The following MRC1 variants were observed in gnomAD, a reference collection of about 807,000 sequenced individuals.
MRC1 encodes the protein mannose receptor C-type 1.
MRC1 carries 62 observed loss-of-function variants against 102.9 expected under a neutral mutation model. The ratio of observed to expected loss-of-function variants is 0.60; its 90% CI spans 0.49 to 0.74. The LOEUF is 0.74. MRC1 is among the 30% of genes least tolerant of loss of function. The pLI is 0.00. For missense variants in MRC1, 1,237 were observed against 862.8 expected, an observed-to-expected ratio of 1.43 and a Z score of -5.43; for synonymous variants, 457 against 298.4, an observed-to-expected ratio of 1.53 and a Z score of -5.48.
intron 14 of MRC1, among the ~76,000 whole-genome samples, chr10:17,871,437 C>T (rs1296468126): frequency 6.6e-6 from 1 of 152,168 alleles, no homozygotes; most frequent in African/African-American, 2.4e-5. Context: ...TGATTCCACA[C>T]TGAAAACTCC....
chr10:17,885,822 CCATCATGATCATGATCATGATCATGAT>C (rs1423072204), intron 22 of MRC1, among the ~76,000 whole-genome samples: 1 of 144,520 alleles, frequency 6.9e-6, no homozygotes, highest in African/African-American at 2.5e-5. Context: ...TGATCATCAT[CCATCATGATCATGATCATGATCATGAT>C]CATGATCATG....
chr10:17,865,950 T>A (rs1833259836), intron 11 of MRC1, among the ~76,000 whole-genome samples: 1 of 152,228 alleles, frequency 6.6e-6, no homozygotes. Flanking sequence ...CTTAGTTAAT[T>A]GCTATTTGGA....
chr10:17,875,006 C>T, intron 16 of MRC1, 84 bp from the exon 17 acceptor site: 1 of 778,226 alleles, frequency 1.3e-6, no homozygotes. Flanking sequence ...GCAGCTCTAT[C>T]CCTTTCACCT....
At chr10:17,855,559 G>A (rs1370316832) in intron 8 of MRC1, among the ~76,000 whole-genome samples, 104 of 108,568 alleles carry the variant, frequency 9.6e-4, no homozygotes, top group African/African-American at 3.3e-3. Context: ...GCAACAGAGC[G>A]AGACTCCGTC....
At chr10:17,873,893 G>GA (rs1232493511) in intron 16 of MRC1, 68 bp downstream of exon 16, 7 of 855,454 alleles carry the variant, frequency 8.2e-6, no homozygotes, top group South Asian at 2.7e-5. Context: ...CTTTCTCAAT[G>GA]AAAAAATTAC....
At chr10:17,882,445 A>C (rs1029155021) in intron 21 of MRC1, among the ~76,000 whole-genome samples, 1 of 151,906 alleles carries the variant, frequency 6.6e-6, no homozygotes, top group Non-Finnish European at 1.5e-5. Flanking sequence ...TGTTTGTTGT[A>C]TATATAACTT....
chr10:17,854,295 C>A (rs1404945282), intron 8 of MRC1, among the ~76,000 whole-genome samples: 3 of 152,158 alleles, frequency 2.0e-5, no homozygotes, highest in Admixed American at 6.5e-5. Flanking sequence ...ACACAGTTCC[C>A]AGCCCATATT....
At chr10:17,882,218 CAAGT>C (rs2130693178) in intron 21 of MRC1, among the ~76,000 whole-genome samples, 1 of 152,152 alleles carries the variant, frequency 6.6e-6, no homozygotes, top group East Asian at 1.9e-4. Context: ...GAAATCACTG[CAAGT>C]GAGTCAGGGT....
At chr10:17,868,276 C>A (rs2130672501) in intron 12 of MRC1, among the ~76,000 whole-genome samples, 1 of 152,276 alleles carries the variant, frequency 6.6e-6, no homozygotes, top group South Asian at 2.1e-4. Flanking sequence ...AATTGTCTCC[C>A]AGCTCCACAT....
At chr10:17,842,862 C>T (rs915221447) in intron 5 of MRC1, among the ~76,000 whole-genome samples, 1 of 152,264 alleles carries the variant, frequency 6.6e-6, no homozygotes, top group Non-Finnish European at 1.5e-5. Flanking sequence ...CAAATGCTTT[C>T]TAAAATTAAA....
chr10:17,865,060 A>C lies in MRC1; in HGVS notation c.1783+1378A>C, dbSNP rs692970. Among the ~76,000 whole-genome samples the C allele has an allele frequency of 8.5e-5, 13 of 152,192 alleles. No homozygotes were observed. The South Asian group carries it at 2.7e-3, about 32-fold the overall frequency. On this transcript the variant is annotated intron_variant, in intron 11 of 29. Transcript: ENST00000569591. The stretch of plus-strand genomic sequence containing the variant: ...AGATTCTTTGACTTTTTATACAGTG[A>C]TATCACTAGCACACAACATTGTTTA...
chr10:17,839,381 G>A (rs1409085258), intron 4 of MRC1, among the ~76,000 whole-genome samples: 3 of 152,094 alleles, frequency 2.0e-5, no homozygotes, highest in African/African-American at 7.2e-5. Flanking sequence ...GAGTAAATTG[G>A]TTTTGGGAAT....
chr10:17,907,381 G>A (rs1303744346), intron 27 of MRC1, among the ~76,000 whole-genome samples, 153 bp from the exon 28 acceptor site: 2 of 152,206 alleles, frequency 1.3e-5, no homozygotes, highest in Admixed American at 6.5e-5. Context: ...GTAATAATTA[G>A]TCATTATAGT....
intron 7 of MRC1, among the ~76,000 whole-genome samples, chr10:17,850,683 T>TC (rs1838901422): frequency 6.6e-6 from 1 of 151,796 alleles, no homozygotes; most frequent in Admixed American, 6.6e-5. Flanking sequence ...GCTCTTCATT[T>TC]CCCCCCAGCA....
At chr10:17,885,463 T>A in intron 22 of MRC1, 28 bp downstream of exon 22, 5 of 780,110 alleles carry the variant, frequency 6.4e-6, no homozygotes, top group Non-Finnish European at 1.2e-5. Flanking sequence ...GTCACCTCTC[T>A]ACACACCATC....
chr10:17,840,931 C>A (rs1326735447), intron 5 of MRC1, 125 bp downstream of exon 5: 7 of 749,606 alleles, frequency 9.3e-6, no homozygotes, highest in East Asian at 2.5e-5. Flanking sequence ...AAATACAGTT[C>A]ATTTCACCTT....
intron 4 of MRC1, 81 bp from the exon 5 acceptor site, chr10:17,840,612 C>A: frequency 1.3e-6 from 1 of 769,792 alleles, no homozygotes; most frequent in Non-Finnish European, 2.4e-6. Context: ...TTGATTCAAG[C>A]ACTTAGTTCT....
intron 4 of MRC1, among the ~76,000 whole-genome samples, chr10:17,835,262 ATAGC>A (rs1366235491): frequency 6.6e-6 from 1 of 152,196 alleles, no homozygotes; most frequent in Non-Finnish European, 1.5e-5. Context: ...TATTAGTATA[ATAGC>A]TACTTACACA....
intron 6 of MRC1, among the ~76,000 whole-genome samples, chr10:17,848,271 A>G (rs1402701040): frequency 3.9e-5 from 6 of 152,208 alleles, no homozygotes; most frequent in Non-Finnish European, 8.8e-5. Context: ...TAAGCAAAAC[A>G]TGTTGCCAAA....
Sources: gnomAD v4.1 joint callset for allele counts (sites outside exome capture counted in the v4.1 genomes callset) on GRCh38, gnomAD v4.1.1 for gene constraint, MANE v1.5 for transcripts, NCBI Gene and HGNC (gene_info 2026-07-23, HGNC 2026-07-21) for gene names.